NPHS2: variants seen among roughly 807,000 people sequenced by gnomAD.
The protein encoded by NPHS2 is podocin.
A neutral mutation model predicts 37.1 loss-of-function variants in NPHS2; 36 were observed. That is an observed-to-expected ratio of 0.97 (90% confidence interval 0.74 to 1.28). The LOEUF (loss-of-function observed/expected upper bound fraction) is 1.28, where lower values mean the gene tolerates loss of function less well. Ranked by LOEUF, NPHS2 falls within the 50% of genes most tolerant of loss-of-function variation. NPHS2 has a pLI of 0.00. For synonymous variants in NPHS2, 196 were observed against 189.3 expected (o/e 1.04, Z -0.29); for missense variants, 447 against 488.1 (o/e 0.92, Z 0.79).
intron 2 of NPHS2, among the ~76,000 whole-genome samples, chr1:179,563,627 T>C (rs1427839108): frequency 6.6e-6 from 1 of 152,146 alleles, no homozygotes; most frequent in African/African-American, 2.4e-5. Flanking sequence ...TATTCTCTTA[T>C]TACAATGAAG....
rs548632610 is a variant in NPHS2 at position 179,575,906 on chromosome 1, C to T, written c.-42G>A. ...CGGCTGGAGCAGCAGCGCGGGAGCG[C>T]TAGGGGCACGGGAGCGCAGTCCCTG... On this transcript the variant is annotated 5_prime_UTR_variant, in exon 1 of 8. Transcript: ENST00000367615. 11 of 1,370,242 alleles carry T rather than the reference C, an allele frequency of 8.0e-6. No homozygotes were observed. In the East Asian group the frequency reaches 3.1e-4, roughly 39 times the overall value. The allele number at this position is 1,370,242 out of a possible 1,614,324, so 84.9% of individuals were successfully genotyped here.
chr1:179,566,009 A>G (rs1301369343), intron 1 of NPHS2, among the ~76,000 whole-genome samples: 3 of 152,162 alleles, frequency 2.0e-5, no homozygotes, highest in African/African-American at 4.8e-5. Context: ...GCTCTTCTGA[A>G]TAGTGCCTCA....
chr1:179,550,827 A>C lies in NPHS2; in HGVS notation c.*346T>G. Reference sequence around the variant, plus strand: ...CTGTGGGAGCTGTGGCAACCTTGCCAAAGGGGTCAGAGGACATACAGTGAA... The same window carrying C: ...CTGTGGGAGCTGTGGCAACCTTGCCCAAGGGGTCAGAGGACATACAGTGAA... On this transcript the variant is annotated 3_prime_UTR_variant, in exon 8 of 8. Transcript: ENST00000367615. The C allele has an allele frequency of 3.0e-6, 1 of 333,994 alleles. No individual in the cohort carries two copies. Among genetic ancestry groups the C allele is most frequent in the Non-Finnish European group, 5.8e-6 (1 of 173,742 alleles). The allele number at this position is 333,994 out of a possible 1,614,324, so 20.7% of individuals were successfully genotyped here.
chr1:179,558,448 G>T (rs540905493), intron 4 of NPHS2, among the ~76,000 whole-genome samples: 1 of 152,132 alleles, frequency 6.6e-6, no homozygotes, highest in South Asian at 2.1e-4. Context: ...TTCCATTGTG[G>T]GTTATATATC....
intron 1 of NPHS2, among the ~76,000 whole-genome samples, chr1:179,565,247 C>T (rs555134407): frequency 1.1e-3 from 161 of 152,244 alleles, no homozygotes; most frequent in Non-Finnish European, 1.7e-3. Flanking sequence ...GTACTCCAGC[C>T]TGGGTGACAG....
Position 179,557,227 on chromosome 1 carries a change from C to G in NPHS2, c.538G>C (p.Val180Leu). The G allele has an allele frequency of 6.2e-7, 1 of 1,613,768 alleles. No homozygotes were observed. Among genetic ancestry groups the G allele is most frequent in the Admixed American group, 1.7e-5 (1 of 60,000 alleles). ...QTLEIPFHEI[V>L]TKDMFIMEID... Reference sequence around the variant, plus strand: ...TCCATTATAAACATGTCTTTGGTCACGATCTAGGCAGAAAAAAGTTTGGAT... The same window carrying G: ...TCCATTATAAACATGTCTTTGGTCAGGATCTAGGCAGAAAAAAGTTTGGAT... The change falls in exon 5 of 8, where the codon GTG becomes CTG. Residue 180 changes from valine to leucine, a missense_variant. Val to Leu is a conservative substitution (Grantham distance 32). Coordinates refer to ENST00000367615, the MANE Select transcript of NPHS2 (RefSeq NM_014625.4).
intron 1 of NPHS2, among the ~76,000 whole-genome samples, chr1:179,568,316 T>C (rs942080861): frequency 2.0e-5 from 3 of 152,218 alleles, no homozygotes; most frequent in Admixed American, 1.3e-4. Context: ...ATCCATTTCT[T>C]CTAGATTTTC....
intron 2 of NPHS2, 106 bp downstream of exon 2, chr1:179,564,584 C>T: frequency 1.0e-6 from 1 of 980,294 alleles, no homozygotes; most frequent in South Asian, 1.3e-5. Flanking sequence ...TGAGGGCATT[C>T]CACATGGAGC....
Position 179,561,954 on chromosome 1 carries a change from A to C in NPHS2, c.379-593T>G, listed in dbSNP as rs1314529003. On this transcript the variant is annotated intron_variant, in intron 2 of 7. Transcript: ENST00000367615. ...CCAAGTAGCTGGTATTACAGGTGTA[A>C]GCCACCATGCCTGGCTAATTTTTTG... Among the ~76,000 whole-genome samples, 6 of 152,078 alleles carry C rather than the reference A, an allele frequency of 3.9e-5. No homozygotes were observed. The East Asian group carries it at 1.2e-3, about 29-fold the overall frequency.
intron 6 of NPHS2, 42 bp downstream of exon 6, chr1:179,554,434 T>G (rs1673774734): frequency 6.2e-7 from 1 of 1,611,798 alleles, no homozygotes; most frequent in Admixed American, 1.7e-5. Flanking sequence ...CCAGAATATT[T>G]TCCTTTATCA....
chr1:179,575,698 TC>T lies in NPHS2; in HGVS notation c.166del (p.Glu56SerfsTer43). ...CACCGTGGCGGCGGGCGCTCGGGGCTCCCCCGGGGTCCCCGCCCGTCCGGAG... is the reference window on the plus strand; with the variant it reads ...CACCGTGGCGGCGGGCGCTCGGGGCTCCCCGGGGTCCCCGCCCGTCCGGAG... ...SGSGRAGTPG[E>X]PRAPAATVVD... On this transcript the variant is annotated frameshift_variant, in exon 1 of 8. Transcript: ENST00000367615. LOFTEE classifies it high-confidence loss of function. 4 of 1,572,930 alleles carry T rather than the reference TC, an allele frequency of 2.5e-6. No individual in the cohort carries two copies. Among genetic ancestry groups the T allele is most frequent in the Non-Finnish European group, 8.6e-7 (1 of 1,165,404 alleles).
chr1:179,552,319 A>AG (rs1673404401), intron 7 of NPHS2: 2 of 494,536 alleles, frequency 4.0e-6, no homozygotes, highest in East Asian at 3.8e-5. Context: ...ACTAGAGAAG[A>AG]GGGATTGATG....
Position 179,575,592 on chromosome 1 carries a change from T to C in NPHS2, c.273A>G (p.Glu91=), listed in dbSNP as rs746200854. 3.1e-6 allele frequency: 5 copies of C among 1,601,254 alleles called. No individual in the cohort carries two copies. The Admixed American group carries it at 8.3e-5, about 27-fold the overall frequency. The change falls in exon 1 of 8, where the codon GAA becomes GAG. Residue 91 remains glutamate, a splice_region_variant and synonymous_variant. Coordinates refer to ENST00000367615, the MANE Select transcript of NPHS2 (RefSeq NM_014625.4). ...VALLESERPE[E]GTKSSGLGAC... ...CAGATAGTGGTGCTGAATCCGTACCTTCCTCGGGCCGCTCGCTCTCCAACA... is the reference window on the plus strand; with the variant it reads ...CAGATAGTGGTGCTGAATCCGTACCCTCCTCGGGCCGCTCGCTCTCCAACA...
chr1:179,571,218 T>C (rs1674538180), intron 1 of NPHS2, among the ~76,000 whole-genome samples: 1 of 152,220 alleles, frequency 6.6e-6, no homozygotes, highest in African/African-American at 2.4e-5. Context: ...CCTTTGGTCT[T>C]TAATGTTGGT....
chr1:179,553,466 G>C (rs10458352), intron 6 of NPHS2, among the ~76,000 whole-genome samples: 152,108 of 152,384 alleles, frequency 1, 75,916 homozygotes, highest in Non-Finnish European at 1. Flanking sequence ...ATGGTTGAAC[G>C]TTGAAAACAT....
In NPHS2 at chr1:179,557,187, C is replaced by T. The variant is rs1413862803; in HGVS notation, c.578G>A (p.Cys193Tyr). 6.2e-7 allele frequency: 1 copy of T among 1,613,888 alleles called. No homozygotes were observed. Among genetic ancestry groups the T allele is most frequent in the African/African-American group, 1.3e-5 (1 of 74,890 alleles). The stretch of plus-strand genomic sequence containing the variant: ...AGAGGCATTTTCCATTCGGTAGTAG[C>T]AAATGGCATCTATCTCCATTATAAA... ...DMFIMEIDAI[C>Y]YYRMENASLL... The change falls in exon 5 of 8, where the codon TGC becomes TAC. Residue 193 changes from cysteine (C) to tyrosine (Y), a missense_variant. Coordinates refer to ENST00000367615, the MANE Select transcript of NPHS2 (RefSeq NM_014625.4).
chr1:179,565,488 A>G (rs922684203), intron 1 of NPHS2, among the ~76,000 whole-genome samples: 4 of 152,246 alleles, frequency 2.6e-5, no homozygotes, highest in African/African-American at 9.6e-5. Flanking sequence ...GAGCTATATC[A>G]CCTATCTCTG....
chr1:179,553,880 G>A (rs1376586807), intron 6 of NPHS2, among the ~76,000 whole-genome samples: 3 of 151,704 alleles, frequency 2.0e-5, no homozygotes, highest in African/African-American at 7.3e-5. Context: ...TGAGTAGCTG[G>A]GATTACAGGC....
intron 1 of NPHS2, among the ~76,000 whole-genome samples, chr1:179,570,095 G>T (rs776294634): frequency 6.6e-6 from 1 of 152,174 alleles, no homozygotes; most frequent in Non-Finnish European, 1.5e-5. Flanking sequence ...GGCCTGCCTT[G>T]CTAGATTGGG....
Sources: gnomAD v4.1 joint callset for allele counts (sites outside exome capture counted in the v4.1 genomes callset) on GRCh38, gnomAD v4.1.1 for gene constraint, MANE v1.5 for transcripts, NCBI Gene and HGNC (gene_info 2026-07-23, HGNC 2026-07-21) for gene names.